The following MDM1 variants were observed in gnomAD, a reference collection of about 807,000 sequenced individuals.
MDM1 encodes Mdm1 nuclear protein.
Under a neutral mutation model 89.1 loss-of-function variants are expected in MDM1, and 61 were observed. The ratio of observed to expected loss-of-function variants is 0.68; its 90% confidence interval spans 0.56 to 0.85. The LOEUF is 0.85. Ranked by LOEUF, MDM1 falls within the 40% of genes least tolerant of loss-of-function variation. MDM1 has a pLI of 0.00. For synonymous variants in MDM1, 290 were observed against 294.1 expected (o/e 0.99, Z 0.14); for missense variants, 820 against 846.5 (o/e 0.97, Z 0.39).
chr12:68,315,325 C>T, intron 9 of MDM1, 60 bp from the exon 10 acceptor site: 2 of 1,487,742 alleles, frequency 1.3e-6, no homozygotes, highest in South Asian at 2.6e-5. Flanking sequence ...CTAATCAACA[C>T]CAATTTTAGT....
intron 12 of MDM1, among the ~76,000 whole-genome samples, chr12:68,303,915 T>C (rs1872548648): frequency 6.6e-6 from 1 of 152,224 alleles, no homozygotes; most frequent in Non-Finnish European, 1.5e-5. Context: ...ATCACTGTCC[T>C]AGAAGTCAAG....
chr12:68,312,840 C>T (rs973082792), intron 12 of MDM1, among the ~76,000 whole-genome samples: 2 of 152,200 alleles, frequency 1.3e-5, no homozygotes, highest in Non-Finnish European at 2.9e-5. Context: ...GCAGGTACCC[C>T]CTTCACCTGA....
At chr12:68,299,211 T>A (rs1210458871) in intron 13 of MDM1, among the ~76,000 whole-genome samples, 1 of 151,900 alleles carries the variant, frequency 6.6e-6, no homozygotes, top group African/African-American at 2.4e-5. Context: ...AGAAAGTAAT[T>A]CTAGTAATAT....
intron 12 of MDM1, among the ~76,000 whole-genome samples, chr12:68,311,158 A>C (rs964635499): frequency 8.5e-5 from 13 of 152,144 alleles, no homozygotes; most frequent in African/African-American, 3.1e-4. Flanking sequence ...CTCATGACAA[A>C]TTCAAAACCC....
At chr12:68,323,384 A>G (rs1423921838) in intron 4 of MDM1, 144 bp from the exon 5 acceptor site, 1 of 585,874 alleles carries the variant, frequency 1.7e-6, no homozygotes, top group African/African-American at 1.9e-5. Flanking sequence ...TTTCACATAT[A>G]TTATTAACAT....
chr12:68,325,287 T>C (rs1875802379), intron 4 of MDM1, 154 bp downstream of exon 4: 1 of 1,331,296 alleles, frequency 7.5e-7, no homozygotes, highest in East Asian at 2.7e-5. Context: ...TCATAAGTAA[T>C]AGGATGATTT....
At chr12:68,325,790 C>T (rs1464268496) in intron 3 of MDM1, 10 of 1,172,662 alleles carry the variant, frequency 8.5e-6, no homozygotes, top group Admixed American at 9.3e-5. Flanking sequence ...ATTTAAAATT[C>T]CTTTCTATCA....
rs146533861 is a variant in MDM1 at position 68,326,871 on chromosome 12, T to C, written c.284A>G (p.Gln95Arg). Reference sequence around the variant, plus strand: ...AGTAACATCCTTTTGTTCTGCTTCTTGTGATTTTGGTGTTTCCGGGGCTTC... The same window carrying C: ...AGTAACATCCTTTTGTTCTGCTTCTCGTGATTTTGGTGTTTCCGGGGCTTC... Reference protein sequence around the residue: ...EPEAPETPKSQEAEQKDVTQE... With the variant: ...EPEAPETPKSREAEQKDVTQE... Residue 95 changes from glutamine (Q) to arginine (R), a missense_variant, in exon 3 of 15, where the codon CAA becomes CGA. Gln to Arg is a conservative substitution (Grantham distance 43). Coordinates refer to ENST00000682720, the MANE Select transcript of MDM1 (RefSeq NM_001354969.2). The C allele has an allele frequency of 1.3e-5, 21 of 1,613,882 alleles. No individual in the cohort carries two copies. The African/African-American group carries it at 1.9e-4, about 14-fold the overall frequency.
intron 2 of MDM1, 155 bp downstream of exon 2, chr12:68,330,952 T>C: frequency 1.7e-6 from 1 of 603,556 alleles, no homozygotes; most frequent in Non-Finnish European, 3.0e-6. Context: ...AATAAATACT[T>C]GATTAATAAA....
At position 68,295,310 on chromosome 12, in the gene MDM1, A is replaced by G. The variant is rs1463073373; in HGVS notation, c.2119T>C (p.Phe707Leu). 5 of 1,613,340 alleles carry G rather than the reference A, an allele frequency of 3.1e-6. No individual in the cohort carries two copies. The highest frequency in any genetic ancestry group is 4.2e-6 in the Non-Finnish European group (5 of 1,179,562). The change falls in exon 15 of 15, where the codon TTT (phenylalanine) becomes CTT (leucine). Residue 707 changes from phenylalanine (F) to leucine (L), a missense_variant. Phe to Leu is a conservative substitution (Grantham distance 22). Coordinates refer to ENST00000682720, the MANE Select transcript of MDM1 (RefSeq NM_001354969.2). ...TTCTTAGCTCGTGCCAGAGTTTGAA[A>G]AGCCCGGAGACTAGAAGCTGCAGAG... ...ARSAASSLRA[F>L]QTLARAKKRK... is the part of the protein sequence containing the mutation.
intron 12 of MDM1, among the ~76,000 whole-genome samples, chr12:68,309,743 G>A (rs1414302960): frequency 3.9e-5 from 6 of 152,124 alleles, no homozygotes; most frequent in African/African-American, 7.2e-5. Context: ...TAATAATAAC[G>A]TAATTTCTTA....
At chr12:68,323,270 T>TAGTTTAGTTTAGTTC in intron 4 of MDM1, 30 bp from the exon 5 acceptor site, 1 of 1,498,752 alleles carries the variant, frequency 6.7e-7, no homozygotes, top group Admixed American at 2.4e-5. Context: ...TAGTTTAGTT[T>TAGTTTAGTTTAGTTC]TGTTGATTAA....
intron 7 of MDM1, among the ~76,000 whole-genome samples, chr12:68,320,096 T>C (rs888852466): frequency 6.6e-6 from 1 of 152,146 alleles, no homozygotes; most frequent in South Asian, 2.1e-4. Flanking sequence ...GCGGCTGACA[T>C]CAATTTACCA....
chr12:68,298,098 T>A (rs2120722930), intron 13 of MDM1, among the ~76,000 whole-genome samples: 1 of 152,284 alleles, frequency 6.6e-6, no homozygotes, highest in South Asian at 2.1e-4. Context: ...GGTGCTCTTT[T>A]GCAAGCAGCA....
chr12:68,312,734 C>T (rs929964398), intron 12 of MDM1, among the ~76,000 whole-genome samples: 1 of 152,158 alleles, frequency 6.6e-6, no homozygotes, highest in Non-Finnish European at 1.5e-5. Flanking sequence ...TTTAGCACCC[C>T]ATTATGTCTC....
intron 4 of MDM1, among the ~76,000 whole-genome samples, chr12:68,323,638 T>C (rs1192463818): frequency 6.6e-6 from 1 of 152,174 alleles, no homozygotes; most frequent in African/African-American, 2.4e-5. Flanking sequence ...TGTTTAGCTT[T>C]TCTTCCCTTG....
chr12:68,326,115 T>C lies in MDM1; in HGVS notation c.499-540A>G, dbSNP rs201863684. 4 of 1,007,414 alleles carry C rather than the reference T, an allele frequency of 4.0e-6. No homozygotes were observed. In the East Asian group the frequency reaches 4.0e-4, roughly 102 times the overall value. The allele number at this position is 1,007,414 out of a possible 1,614,324, so 62.4% of individuals were successfully genotyped here. On this transcript the variant is annotated intron_variant, in intron 3 of 14. Transcript: ENST00000682720. ...GAAAGAAATGTGGAAAGCATTGAGA[T>C]CCCCACACAAGTTCCTGCAGCCTCT...
chr12:68,326,872 G>C lies in MDM1; in HGVS notation c.283C>G (p.Gln95Glu). 1 of 1,613,932 alleles carries C rather than the reference G, an allele frequency of 6.2e-7. No individual in the cohort carries two copies. ...EPEAPETPKS[Q>E]EAEQKDVTQE... ...GTAACATCCTTTTGTTCTGCTTCTTGTGATTTTGGTGTTTCCGGGGCTTCT... is the reference window on the plus strand; with the variant it reads ...GTAACATCCTTTTGTTCTGCTTCTTCTGATTTTGGTGTTTCCGGGGCTTCT... Residue 95 changes from glutamine (Q) to glutamate (E), a missense_variant, in exon 3 of 15, where the codon CAA (glutamine) becomes GAA (glutamate). Gln to Glu is a conservative substitution (Grantham distance 29). Transcript: ENST00000682720.
At chr12:68,326,451 C>A (rs528059784) in intron 3 of MDM1, 2 of 1,471,600 alleles carry the variant, frequency 1.4e-6, no homozygotes, top group East Asian at 2.5e-5. Flanking sequence ...TATCATAGTA[C>A]AACTACTACA....
Sources: allele counts gnomAD v4.1 joint callset (sites outside exome capture counted in the v4.1 genomes callset), GRCh38; gene constraint gnomAD v4.1.1; transcripts MANE v1.5; gene names NCBI Gene and HGNC (gene_info 2026-07-23, HGNC 2026-07-21).